The following TENM3 variants were observed in gnomAD, a reference collection of about 807,000 sequenced individuals.
TENM3 encodes the protein teneurin transmembrane protein 3.
In TENM3, 63 loss-of-function variants were observed where a neutral mutation model predicts 255.1. That is an observed-to-expected ratio of 0.25 (90% CI 0.20 to 0.30). The LOEUF is 0.30. Among genes scored for constraint, TENM3 ranks in the 10% least tolerant of loss-of-function variants. The pLI is 1.00. For synonymous variants in TENM3, 1,306 were observed against 1,322.3 expected (o/e 0.99, Z 0.27); for missense variants, 2,929 against 3,461.1 (o/e 0.85, Z 3.86).
In TENM3 at chr4:182,654,955, C is replaced by A. The variant is rs114038458; in HGVS notation, c.1111+1062C>A. On this transcript the variant is annotated intron_variant, in intron 6 of 27. Coordinates refer to ENST00000511685, the MANE Select transcript of TENM3 (RefSeq NM_001080477.4). ...TTCGATTTTTATAATAATAGTGAAT[C>A]CCCCGCCATATGGAACCTTTTTATA... 5.5e-3 allele frequency among the ~76,000 whole-genome samples: 844 copies of A among 152,090 alleles called. 6 individuals carry two copies. Among genetic ancestry groups the A allele is most frequent in the African/African-American group, 0.019 (791 of 41,486 alleles).
intron 3 of TENM3, among the ~76,000 whole-genome samples, chr4:182,547,331 G>C (rs374418218): frequency 1.2e-4 from 19 of 152,188 alleles, no homozygotes; most frequent in African/African-American, 4.3e-4. Flanking sequence ...GTGCTTTTCA[G>C]ATATTTGAGA....
intron 3 of TENM3, among the ~76,000 whole-genome samples, chr4:182,427,835 A>G (rs1330444090): frequency 1.3e-5 from 2 of 152,186 alleles, no homozygotes; most frequent in African/African-American, 2.4e-5. Context: ...TTGAAAATGT[A>G]GGGGAACTGA....
At chr4:181,454,720 GA>G in the TENM3 span, among the ~76,000 whole-genome samples, 3 of 20,326 alleles carry the variant, frequency 1.5e-4, no homozygotes, top group African/African-American at 1.1e-3. Flanking sequence ...GTTGAATACA[GA>G]AATCCTTACC....
At chr4:181,965,963 A>G in the TENM3 span, among the ~76,000 whole-genome samples, 4 of 152,172 alleles carry the variant, frequency 2.6e-5, no homozygotes, top group South Asian at 8.3e-4. Context: ...TTGAAGCTTT[A>G]GTATCTTTGG....
chr4:181,643,936 G>C, the TENM3 span, among the ~76,000 whole-genome samples: 4 of 151,890 alleles, frequency 2.6e-5, no homozygotes, highest in Non-Finnish European at 5.9e-5. Flanking sequence ...AATTAGCCAG[G>C]CGTGTTGCAT....
chr4:182,609,768 C>T (rs1748810631), intron 4 of TENM3, among the ~76,000 whole-genome samples: 1 of 152,138 alleles, frequency 6.6e-6, no homozygotes, highest in Non-Finnish European at 1.5e-5. Flanking sequence ...ATTACACATT[C>T]TTATCTTGTG....
chr4:182,136,836 A>T, the TENM3 span, among the ~76,000 whole-genome samples: 2 of 152,216 alleles, frequency 1.3e-5, no homozygotes, highest in African/African-American at 4.8e-5. Flanking sequence ...TCTAAATTTT[A>T]AAAAAGAGCT....
At chr4:182,483,881 T>C (rs1357052551) in intron 3 of TENM3, among the ~76,000 whole-genome samples, 1 of 151,846 alleles carries the variant, frequency 6.6e-6, no homozygotes, top group Admixed American at 6.6e-5. Context: ...CTTAACCAGA[T>C]CTCGCGAGAA....
the TENM3 span, among the ~76,000 whole-genome samples, chr4:181,644,172 A>G: frequency 6.6e-6 from 1 of 151,986 alleles, no homozygotes; most frequent in African/African-American, 2.4e-5. Flanking sequence ...TTCTTGTTCC[A>G]TAGTGCCTAT....
At chr4:182,069,890 G>A in the TENM3 span, among the ~76,000 whole-genome samples, 1 of 152,260 alleles carries the variant, frequency 6.6e-6, no homozygotes, top group Middle Eastern at 3.4e-3. Context: ...TAAACAGGCT[G>A]TTGTAATGCA....
chr4:182,294,708 T>G (rs146875593), intron 1 of TENM3, among the ~76,000 whole-genome samples: 84 of 152,334 alleles, frequency 5.5e-4, no homozygotes, highest in Non-Finnish European at 8.8e-4. Flanking sequence ...TGACCACGGC[T>G]TTGCATTTAC....
the TENM3 span, among the ~76,000 whole-genome samples, chr4:181,748,608 T>C: frequency 6.6e-6 from 1 of 152,110 alleles, no homozygotes; most frequent in Non-Finnish European, 1.5e-5. Context: ...AAACAGACTT[T>C]TCATGTTTTC....
the TENM3 span, among the ~76,000 whole-genome samples, chr4:182,018,582 A>G: frequency 1.3e-5 from 2 of 152,154 alleles, no homozygotes; most frequent in Non-Finnish European, 2.9e-5. Context: ...TGAGAATAAT[A>G]ATATTTATCT....
chr4:181,784,130 T>C, the TENM3 span, among the ~76,000 whole-genome samples: 3 of 151,674 alleles, frequency 2.0e-5, no homozygotes, highest in Non-Finnish European at 4.4e-5. Flanking sequence ...TCTTGTCTTA[T>C]TCTTTACTCT....
chr4:181,914,511 T>A, the TENM3 span, among the ~76,000 whole-genome samples: 1 of 152,186 alleles, frequency 6.6e-6, no homozygotes, highest in Admixed American at 6.5e-5. Context: ...ACAAAACATA[T>A]GACAGTATTA....
At chr4:181,613,547 T>A in the TENM3 span, among the ~76,000 whole-genome samples, 88 of 152,342 alleles carry the variant, frequency 5.8e-4, no homozygotes, top group African/African-American at 2.0e-3. Context: ...TCTACTGTGC[T>A]GGGAACAGAC....
chr4:181,999,013 G>T, the TENM3 span, among the ~76,000 whole-genome samples: 265 of 152,270 alleles, frequency 1.7e-3, 1 homozygote, highest in African/African-American at 6.1e-3. Flanking sequence ...AAAGCAGCTA[G>T]CAGAGCTCTT....
chr4:182,785,429 C>T (rs534571400), intron 24 of TENM3, among the ~76,000 whole-genome samples: 2 of 151,802 alleles, frequency 1.3e-5, no homozygotes, highest in South Asian at 4.2e-4. Flanking sequence ...ACCAGAAGAC[C>T]AGACGCAGTG....
chr4:182,737,670 A>G (rs1302808445), intron 17 of TENM3, among the ~76,000 whole-genome samples: 1 of 152,232 alleles, frequency 6.6e-6, no homozygotes, highest in Admixed American at 6.5e-5. Context: ...TATAGCTTCA[A>G]GCTCAAGCTC....
Sources: gnomAD v4.1 joint callset for allele counts (sites outside exome capture counted in the v4.1 genomes callset) on GRCh38, gnomAD v4.1.1 for gene constraint, MANE v1.5 for transcripts, NCBI Gene and HGNC (gene_info 2026-07-23, HGNC 2026-07-21) for gene names.